PCDHA8: variants seen among roughly 807,000 people sequenced by gnomAD.
PCDHA8 encodes protocadherin alpha 8.
Under a neutral mutation model 61.8 loss-of-function variants are expected in PCDHA8, and 53 were observed. The observed-to-expected ratio is 0.86, with a 90% confidence interval of 0.69 to 1.08. The LOEUF (loss-of-function observed/expected upper bound fraction) is 1.08. PCDHA8 is among the 50% of genes least tolerant of loss of function. The pLI, the probability that PCDHA8 is intolerant of heterozygous loss-of-function variation, is 0.00. For synonymous variants in PCDHA8, 618 were observed against 556.6 expected (o/e 1.11, Z -1.55); for missense variants, 1,293 against 1,245.0 (o/e 1.04, Z -0.58).
At chr5:140,950,112 A>G (rs1263517017) in intron 1 of PCDHA8, among the ~76,000 whole-genome samples, 3 of 151,944 alleles carry the variant, frequency 2.0e-5, no homozygotes, top group Non-Finnish European at 4.4e-5. Context: ...ATCTCATACA[A>G]TACAAAACCC....
chr5:140,967,332 C>G, intron 1 of PCDHA8: 2 of 1,608,024 alleles, frequency 1.2e-6, no homozygotes, highest in Non-Finnish European at 1.7e-6. Context: ...GAGCTCAGCC[C>G]CAGCGAGCAC....
chr5:140,927,706 C>G lies in PCDHA8; in HGVS notation c.2395-51243C>G, dbSNP rs1584519766. The G allele has an allele frequency of 1.2e-6, 2 of 1,614,108 alleles. No homozygotes were observed. Among genetic ancestry groups the G allele is most frequent in the African/African-American group, 2.7e-5 (2 of 74,940 alleles). Reference sequence around the variant, plus strand: ...GTCCAATGGGGAAGTCCAGTACTCCCTAAGCAACAGCACGCAAGCAGAGCT... The same window carrying G: ...GTCCAATGGGGAAGTCCAGTACTCCGTAAGCAACAGCACGCAAGCAGAGCT... On this transcript the variant is annotated intron_variant, in intron 1 of 3. Coordinates refer to ENST00000531613, the MANE Select transcript of PCDHA8 (RefSeq NM_018911.3).
chr5:140,875,100 G>A (rs558585314), intron 1 of PCDHA8, among the ~76,000 whole-genome samples: 2 of 152,240 alleles, frequency 1.3e-5, no homozygotes, highest in Admixed American at 6.5e-5. Context: ...TTGATGTTTT[G>A]TTACTAATAT....
In PCDHA8 at chr5:140,938,408, G is replaced by A. The variant is rs115039361; in HGVS notation, c.2395-40541G>A. Among the ~76,000 whole-genome samples, 826 of 151,992 alleles carry A rather than the reference G, an allele frequency of 5.4e-3. 3 individuals are homozygous for A. The highest frequency in any genetic ancestry group is 0.019 in the African/African-American group (797 of 41,474). ...TAATATGAAATACATTGTTTGATTG[G>A]GTTTATTTGCAAAAATCCTTTATCA... On this transcript the variant is annotated intron_variant, in intron 1 of 3. Coordinates refer to ENST00000531613, the MANE Select transcript of PCDHA8 (RefSeq NM_018911.3).
At chr5:140,916,379 C>G (rs180755548) in intron 1 of PCDHA8, among the ~76,000 whole-genome samples, 2 of 152,302 alleles carry the variant, frequency 1.3e-5, no homozygotes, top group Admixed American at 6.5e-5. Context: ...GTAGCCACCA[C>G]AACTAGGAAT....
In PCDHA8 at chr5:140,843,665, T is replaced by G. The variant is rs2150364674; in HGVS notation, c.2344T>G (p.Ser782Ala). ...FSPCLPPDLG[S>A]VDVGEEQDLN... is the part of the protein sequence containing the mutation. ...CCCCTGCCTTCCTCCTGATCTGGGATCAGTTGATGTAGGCGAAGAGCAAGA... is the reference window on the plus strand; with the variant it reads ...CCCCTGCCTTCCTCCTGATCTGGGAGCAGTTGATGTAGGCGAAGAGCAAGA... Residue 782 changes from serine (S) to alanine (A), a missense_variant, in exon 1 of 4, where the codon TCA (serine) becomes GCA (alanine). Ser to Ala is a moderately conservative substitution (Grantham distance 99, BLOSUM62 1). Coordinates refer to ENST00000531613, the MANE Select transcript of PCDHA8 (RefSeq NM_018911.3). 2 of 1,593,538 alleles carry G rather than the reference T, an allele frequency of 1.3e-6. No homozygotes were observed. The highest frequency in any genetic ancestry group is 1.1e-5 in the South Asian group (1 of 90,438).
intron 1 of PCDHA8, among the ~76,000 whole-genome samples, chr5:140,911,895 T>C (rs1289494210): frequency 1.3e-5 from 2 of 152,184 alleles, no homozygotes; most frequent in East Asian, 3.8e-4. Flanking sequence ...AAAATCTGTA[T>C]TAGTCAGAGC....
chr5:140,942,615 A>G (rs1310858123), intron 1 of PCDHA8, among the ~76,000 whole-genome samples: 1 of 101,274 alleles, frequency 9.9e-6, no homozygotes, highest in African/African-American at 4.7e-5. Context: ...ATATTTGCCA[A>G]TTGTAAAAAA....
At chr5:140,846,889 C>A (rs1378591011) in intron 1 of PCDHA8, among the ~76,000 whole-genome samples, 1 of 149,358 alleles carries the variant, frequency 6.7e-6, no homozygotes. Flanking sequence ...ATCAGAATGA[C>A]GTTGAAGTTG....
In PCDHA8 at chr5:140,841,532, C is replaced by A. The variant is rs2150317529; in HGVS notation, c.211C>A (p.His71Asn). 22 of 1,613,576 alleles carry A rather than the reference C, an allele frequency of 1.4e-5. No individual in the cohort carries two copies. In the South Asian group the frequency reaches 2.3e-4, roughly 17 times the overall value. ...CCTGTTCCGGGTGGCGTCCAAAAGA[C>A]ACCGGGACCTTCTGGAGGTAAGTCT... ...PRLFRVASKR[H>N]RDLLEVSLQN... is the part of the protein sequence containing the mutation. Residue 71 changes from histidine (H) to asparagine (N), a missense_variant, in exon 1 of 4, where the codon CAC (histidine) becomes AAC (asparagine). Coordinates refer to ENST00000531613, the MANE Select transcript of PCDHA8 (RefSeq NM_018911.3).
At chr5:140,909,870 C>T (rs2074741279) in intron 1 of PCDHA8, among the ~76,000 whole-genome samples, 1 of 152,206 alleles carries the variant, frequency 6.6e-6, no homozygotes. Context: ...GAGTCAACGT[C>T]AGCTTAGAGA....
intron 3 of PCDHA8, among the ~76,000 whole-genome samples, chr5:141,000,038 C>T (rs1554257087): frequency 3.3e-5 from 5 of 152,092 alleles, no homozygotes; most frequent in Non-Finnish European, 5.9e-5. Flanking sequence ...TCCAATCACA[C>T]ACACACCACT....
At chr5:140,959,567 T>A (rs2095496193) in intron 1 of PCDHA8, among the ~76,000 whole-genome samples, 1 of 152,208 alleles carries the variant, frequency 6.6e-6, no homozygotes, top group Non-Finnish European at 1.5e-5. Context: ...AGTACTAGAT[T>A]TTTTGTTTCA....
chr5:140,851,653 A>T, intron 1 of PCDHA8: 1 of 911,134 alleles, frequency 1.1e-6, no homozygotes. Context: ...TCAAGAAGAC[A>T]TTCTCCTTTT....
In PCDHA8 at chr5:140,843,032, G is replaced by A. The variant is rs2150350640; in HGVS notation, c.1711G>A (p.Gly571Ser). The stretch of plus-strand genomic sequence containing the variant: ...GCCGGCACTGCTGGAGCCTCGGGTG[G>A]GTGGCACTGGTGGCGCAGCGAGCAA... ...NAPALLEPRV[G>S]GTGGAASKLV... is the part of the protein sequence containing the mutation. Residue 571 changes from glycine to serine, a missense_variant, in exon 1 of 4, where the codon GGT (glycine) becomes AGT (serine). Coordinates refer to ENST00000531613, the MANE Select transcript of PCDHA8 (RefSeq NM_018911.3). 13 of 1,595,002 alleles carry A rather than the reference G, an allele frequency of 8.2e-6. 1 individual carries two copies. In the South Asian group the frequency reaches 1.1e-4, roughly 14 times the overall value.
chr5:140,989,633 A>AGG (rs2097351730), intron 3 of PCDHA8, among the ~76,000 whole-genome samples: 1 of 152,226 alleles, frequency 6.6e-6, no homozygotes. Flanking sequence ...AGTGACAGCA[A>AGG]GGGTCTTTCA....
At chr5:140,940,934 G>A (rs155815) in intron 1 of PCDHA8, among the ~76,000 whole-genome samples, 48,303 of 152,082 alleles carry the variant, frequency 0.32, 8,018 homozygotes, top group East Asian at 0.53. Flanking sequence ...TGGCTACTTA[G>A]ACTACGTATT....
intron 1 of PCDHA8, among the ~76,000 whole-genome samples, chr5:140,912,103 G>A (rs1431283462): frequency 6.6e-6 from 1 of 152,212 alleles, no homozygotes; most frequent in Non-Finnish European, 1.5e-5. Context: ...GGAGAAAGAT[G>A]TAGGCTGGGA....
At chr5:140,849,062 A>G (rs2040761677) in intron 1 of PCDHA8, 2 of 1,547,906 alleles carry the variant, frequency 1.3e-6, no homozygotes, top group South Asian at 1.1e-5. Context: ...ACCAGCAGGT[A>G]AAACCTCTTG....
Sources: gnomAD v4.1 joint callset for allele counts (sites outside exome capture counted in the v4.1 genomes callset) on GRCh38, gnomAD v4.1.1 for gene constraint, MANE v1.5 for transcripts, NCBI Gene and HGNC (gene_info 2026-07-23, HGNC 2026-07-21) for gene names.